Variants in FAM107B observed in about 807,000 individuals in gnomAD.
FAM107B encodes the protein family with sequence similarity 107 member B.
Under a neutral mutation model 31.5 loss-of-function variants are expected in FAM107B, and 21 were observed. That is an observed-to-expected ratio of 0.67 (90% CI 0.47 to 0.96). FAM107B has a LOEUF of 0.96. Among genes scored for constraint, FAM107B ranks in the 40% least tolerant of loss-of-function variants. The pLI is 0.00. For synonymous variants in FAM107B, 157 were observed against 141.5 expected (o/e 1.11, Z -0.78); for missense variants, 452 against 377.1 (o/e 1.20, Z -1.64).
chr10:14,601,629 G>A (rs1411217800), intron 2 of FAM107B, among the ~76,000 whole-genome samples: 2 of 152,130 alleles, frequency 1.3e-5, no homozygotes. Context: ...TCTCTAGGCT[G>A]AAAGAAGAGT....
At position 14,523,415 on chromosome 10, in the gene FAM107B, C is replaced by T. The variant is rs79560796; in HGVS notation, c.654-1396G>A. Among the ~76,000 whole-genome samples the T allele has an allele frequency of 4.8e-3, 736 of 152,366 alleles. 5 individuals carry two copies. Among genetic ancestry groups the T allele is most frequent in the Middle Eastern group, 0.01 (3 of 294 alleles). On this transcript the variant is annotated intron_variant, in intron 3 of 4. Coordinates refer to ENST00000181796, the MANE Select transcript of FAM107B (RefSeq NM_031453.4). ...AGCGCACACACACTCATGCTACGCA[C>T]GCAGGCATGTGGTGGAACAGTAATT...
intron 2 of FAM107B, among the ~76,000 whole-genome samples, chr10:14,625,970 T>A (rs1019260894): frequency 2.0e-5 from 3 of 150,208 alleles, no homozygotes; most frequent in Non-Finnish European, 4.4e-5. Context: ...TTAGAGAACA[T>A]ACAGCTTTGT....
At chr10:14,761,030 A>T (rs575564456) in intron 1 of FAM107B, among the ~76,000 whole-genome samples, 5 of 148,920 alleles carry the variant, frequency 3.4e-5, no homozygotes, top group Admixed American at 2.0e-4. Context: ...AAAAAAAAAA[A>T]AAAAAAGAAA....
intron 1 of FAM107B, among the ~76,000 whole-genome samples, chr10:14,693,001 A>G (rs1564627850): frequency 6.6e-6 from 1 of 152,208 alleles, no homozygotes; most frequent in African/African-American, 2.4e-5. Flanking sequence ...TGATGCGGTC[A>G]GCCTTCACTA....
At chr10:14,744,099 T>C (rs571915846) in intron 1 of FAM107B, among the ~76,000 whole-genome samples, 3 of 152,328 alleles carry the variant, frequency 2.0e-5, no homozygotes, top group African/African-American at 7.2e-5. Context: ...TATTTTATTC[T>C]TTTTGCAGCA....
chr10:14,750,336 G>C (rs1199771783), intron 1 of FAM107B, among the ~76,000 whole-genome samples: 1 of 152,202 alleles, frequency 6.6e-6, no homozygotes, highest in African/African-American at 2.4e-5. Flanking sequence ...TGCAAGCCGA[G>C]CATGGTGGCT....
chr10:14,657,249 G>A (rs1854085307), intron 2 of FAM107B, among the ~76,000 whole-genome samples: 1 of 152,204 alleles, frequency 6.6e-6, no homozygotes, highest in Non-Finnish European at 1.5e-5. Flanking sequence ...GCTCTCCAAT[G>A]ACTCTGAGGA....
At chr10:14,655,188 A>G (rs1249218296) in intron 2 of FAM107B, among the ~76,000 whole-genome samples, 1 of 152,168 alleles carries the variant, frequency 6.6e-6, no homozygotes, top group Non-Finnish European at 1.5e-5. Flanking sequence ...TCAATCCATC[A>G]AGATTGACAC....
intron 1 of FAM107B, among the ~76,000 whole-genome samples, chr10:14,772,246 C>A (rs965018664): frequency 6.6e-6 from 1 of 151,938 alleles, no homozygotes; most frequent in African/African-American, 2.4e-5. Context: ...CCCAGCCACT[C>A]GTGGGGCTGA....
intron 2 of FAM107B, among the ~76,000 whole-genome samples, chr10:14,648,191 A>G (rs1853808192): frequency 6.6e-6 from 1 of 152,238 alleles, no homozygotes; most frequent in Admixed American, 6.5e-5. Context: ...TGGTCTAACC[A>G]GGAGCAAAAT....
At chr10:14,565,793 G>A (rs951139898) in intron 2 of FAM107B, among the ~76,000 whole-genome samples, 11 of 152,166 alleles carry the variant, frequency 7.2e-5, no homozygotes, top group Non-Finnish European at 1.0e-4. Context: ...AGGCTGAAGG[G>A]GATAATCGAG....
At chr10:14,575,779 C>G (rs1450569309) in intron 2 of FAM107B, among the ~76,000 whole-genome samples, 5 of 152,212 alleles carry the variant, frequency 3.3e-5, no homozygotes, top group African/African-American at 1.2e-4. Context: ...CACACATTTC[C>G]TAATCTACTT....
chr10:14,608,274 T>C (rs1347716607), intron 2 of FAM107B, among the ~76,000 whole-genome samples: 1 of 152,210 alleles, frequency 6.6e-6, no homozygotes, highest in Non-Finnish European at 1.5e-5. Flanking sequence ...TCGTAATCCA[T>C]TCAAAAAGAA....
intron 1 of FAM107B, among the ~76,000 whole-genome samples, chr10:14,690,190 T>C (rs889227154): frequency 3.3e-5 from 5 of 152,188 alleles, no homozygotes; most frequent in Admixed American, 2.6e-4. Context: ...ATTCAGTCGA[T>C]GGAGATCACT....
intron 3 of FAM107B, among the ~76,000 whole-genome samples, chr10:14,522,476 G>T (rs1845765075): frequency 1.3e-5 from 2 of 151,458 alleles, no homozygotes; most frequent in South Asian, 4.2e-4. Flanking sequence ...TGCAGTGGCA[G>T]GCAATCTAGG....
At chr10:14,595,101 G>C (rs913132889) in intron 2 of FAM107B, among the ~76,000 whole-genome samples, 1 of 152,102 alleles carries the variant, frequency 6.6e-6, no homozygotes, top group Non-Finnish European at 1.5e-5. Flanking sequence ...CTAAGACTGG[G>C]GGTGGGAGGG....
chr10:14,556,763 A>C (rs529627072), intron 2 of FAM107B, among the ~76,000 whole-genome samples: 5 of 152,372 alleles, frequency 3.3e-5, no homozygotes, highest in East Asian at 1.9e-4. Flanking sequence ...GAATAGAAAA[A>C]GTTCAAAGCA....
intron 2 of FAM107B, among the ~76,000 whole-genome samples, chr10:14,605,605 C>A (rs186735295): frequency 6.6e-6 from 1 of 152,290 alleles, no homozygotes; most frequent in East Asian, 1.9e-4. Flanking sequence ...GCCTGCCAGC[C>A]AAGTAAGGGT....
chr10:14,715,757 C>A (rs1855765896), intron 1 of FAM107B, among the ~76,000 whole-genome samples: 1 of 152,180 alleles, frequency 6.6e-6, no homozygotes, highest in Non-Finnish European at 1.5e-5. Flanking sequence ...TGTTCCCCAG[C>A]CTTTGTACTC....
Sources: allele counts gnomAD v4.1 joint callset (sites outside exome capture counted in the v4.1 genomes callset), GRCh38; gene constraint gnomAD v4.1.1; transcripts MANE v1.5; gene names NCBI Gene and HGNC (gene_info 2026-07-23, HGNC 2026-07-21).